EEF2: variants seen among roughly 807,000 people sequenced by gnomAD.
The protein encoded by EEF2 is elongation factor 2.
In EEF2, 21 loss-of-function variants were observed where a neutral mutation model predicts 85.3. The ratio of observed to expected loss-of-function variants is 0.25; its 90% CI spans 0.17 to 0.35. The LOEUF (loss-of-function observed/expected upper bound fraction) is 0.35, where lower values mean the gene tolerates loss of function less well. EEF2 is among the 10% of genes least tolerant of loss of function. The pLI, the probability that EEF2 is intolerant of heterozygous loss-of-function variation, is 1.00. For missense variants in EEF2, 825 were observed against 1,225.3 expected (o/e 0.67, Z 4.88); for synonymous variants, 723 against 508.8 (o/e 1.42, Z -5.67).
In EEF2 at chr19:3,977,646, C is replaced by T; in HGVS notation, c.2068-36G>A. On this transcript the variant is annotated intron_variant, in intron 12 of 14. Coordinates refer to ENST00000309311, the MANE Select transcript of EEF2 (RefSeq NM_001961.4). This position sits in a 1 kb window ranked among gnomAD's most constrained non-coding sequence, Gnocchi z 5.4. ...GGGAGAGCCACCGTCAAGGGCCGGA[C>T]ACACCTCGGCTGCTTGCCCTCCACC... 6.7e-7 allele frequency: 1 copy of T among 1,483,970 alleles called. No individual in the cohort carries two copies. The highest frequency in any genetic ancestry group is 8.9e-7 in the Non-Finnish European group (1 of 1,122,816). 91.9% of individuals were successfully genotyped at this position (1,483,970 alleles called of 1,614,324 possible).
chr19:3,983,951 G>C (rs1165373188), intron 2 of EEF2, 185 bp downstream of exon 2: 1 of 653,484 alleles, frequency 1.5e-6, no homozygotes, highest in African/African-American at 1.8e-5. Flanking sequence ...CCAGCTCGCA[G>C]TACCCCGAAT....
At chr19:3,984,461 G>C (rs2039794412) in intron 1 of EEF2, 111 bp from the exon 2 acceptor site, 1 of 1,212,068 alleles carries the variant, frequency 8.3e-7, no homozygotes, top group Non-Finnish European at 1.2e-6. Flanking sequence ...GGGGGTTGGT[G>C]CTGGGGTGCC....
chr19:3,979,941 G>C lies in EEF2; in HGVS notation c.1472C>G (p.Ala491Gly). The C allele has an allele frequency of 6.2e-7, 1 of 1,613,918 alleles. No individual in the cohort carries two copies. ...GAACTTCATCACCCGCATGTTGTGC[G>C]CGTGCTCGAAGGTGGTGATGGTGCC... Reference protein sequence around the residue: ...KTGTITTFEHAHNMRVMKFSV... With the variant: ...KTGTITTFEHGHNMRVMKFSV... Residue 491 changes from alanine to glycine, a missense_variant, in exon 10 of 15, where the codon GCG (alanine) becomes GGG (glycine). Ala to Gly is a moderately conservative substitution (Grantham distance 60). Coordinates refer to ENST00000309311, the MANE Select transcript of EEF2 (RefSeq NM_001961.4).
At chr19:3,985,292 G>C in intron 1 of EEF2, 86 bp downstream of exon 1, 1 of 1,313,726 alleles carries the variant, frequency 7.6e-7, no homozygotes, top group Non-Finnish European at 9.8e-7. Flanking sequence ...CTGGCACGGG[G>C]GGCCCCAGCG....
rs775750783 is a variant in EEF2 at position 3,980,603 on chromosome 19, C to A, written c.1257G>T (p.Gly419=). ...TGACCTTCAGGCCAGTGGAGACCAGCCCCGAGAAGACTCGTCCAAAGGCGT... is the reference window on the plus strand; with the variant it reads ...TGACCTTCAGGCCAGTGGAGACCAGACCCGAGAAGACTCGTCCAAAGGCGT... The part of the protein sequence containing the change: ...RFYAFGRVFS[G]LVSTGLKVRI... Residue 419 remains glycine, a synonymous_variant, in exon 9 of 15, where the codon GGG becomes GGT. Transcript: ENST00000309311. The A allele has an allele frequency of 3.1e-6, 5 of 1,614,128 alleles. No homozygotes were observed. In the Admixed American group the frequency reaches 6.7e-5, roughly 22 times the overall value.
In EEF2 at chr19:3,977,147, C is replaced by G; in HGVS notation, c.2383+68G>C. The G allele has an allele frequency of 6.3e-6, 10 of 1,579,380 alleles. No homozygotes were observed. The highest frequency in any genetic ancestry group is 8.6e-6 in the Non-Finnish European group (10 of 1,161,776). The stretch of plus-strand genomic sequence containing the variant: ...ACGCCTCCTTTAACACCTTGCTAAG[C>G]TTAACTGGGCTTCTGTCCCCCAAAC... On this transcript the variant is annotated intron_variant, in intron 14 of 14. Transcript: ENST00000309311. This position sits in a 1 kb window ranked among gnomAD's most constrained non-coding sequence, Gnocchi z 5.4.
intron 11 of EEF2, 34 bp from the exon 12 acceptor site, chr19:3,978,206 G>A (rs926371830): frequency 2.1e-6 from 3 of 1,429,368 alleles, no homozygotes; most frequent in African/African-American, 2.9e-5. Flanking sequence ...CTCTTGCCTG[G>A]AGAAAGAGGT....
At chr19:3,979,663 C>T in intron 10 of EEF2, 145 bp downstream of exon 10, 1 of 1,302,192 alleles carries the variant, frequency 7.7e-7, no homozygotes, top group Non-Finnish European at 1.1e-6. Context: ...GCAGGAGTCT[C>T]CATTTACAGC....
rs935375368 is a variant in EEF2 at position 3,983,235 on chromosome 19, C to T, written c.275G>A (p.Ser92Asn). 1 of 1,613,986 alleles carries T rather than the reference C, an allele frequency of 6.2e-7. No homozygotes were observed. Among genetic ancestry groups the T allele is most frequent in the Non-Finnish European group, 8.5e-7 (1 of 1,179,984 alleles). The stretch of plus-strand genomic sequence containing the variant: ...GATGAGGAAGCCGGCACCGTCCTTG[C>T]TCTGCTTGATGAAGTTCAAGTCATT... ...SENDLNFIKQ[S>N]KDGAGFLINL... The change falls in exon 3 of 15, where the codon AGC (serine) becomes AAC (asparagine). Residue 92 changes from serine (S) to asparagine (N), a missense_variant. Coordinates refer to ENST00000309311, the MANE Select transcript of EEF2 (RefSeq NM_001961.4).
rs746796214 is a variant in EEF2 at position 3,976,434 on chromosome 19, A to G, written c.*120T>C. 251 of 1,169,860 alleles carry G rather than the reference A, an allele frequency of 2.1e-4. No homozygotes were observed. The highest frequency in any genetic ancestry group is 2.8e-4 in the Non-Finnish European group (236 of 842,842). 72.5% of individuals were successfully genotyped at this position (1,169,860 alleles called of 1,614,324 possible). A position where few individuals can be genotyped will look rare whatever the true frequency, so the allele number is the denominator to read the frequency against. ...GTGATGGCACGCAGCGGGCCCCAGA[A>G]ACCTCTCAGGGGAGCGTCGCTGTGT... is the stretch of plus-strand genomic sequence containing the variant. On this transcript the variant is annotated 3_prime_UTR_variant, in exon 15 of 15. Coordinates refer to ENST00000309311, the MANE Select transcript of EEF2 (RefSeq NM_001961.4).
chr19:3,983,304 G>C lies in EEF2; in HGVS notation c.219-13C>G. ...GAGGGAGATGGCACTGATGGAGGGA[G>C]GGACTCGTCAGGGGGACAGGAGCCA... On this transcript the variant is annotated splice_polypyrimidine_tract_variant and intron_variant, in intron 2 of 14. Coordinates refer to ENST00000309311, the MANE Select transcript of EEF2 (RefSeq NM_001961.4). 2 of 1,610,474 alleles carry C rather than the reference G, an allele frequency of 1.2e-6. No homozygotes were observed. Among genetic ancestry groups the C allele is most frequent in the Non-Finnish European group, 1.7e-6 (2 of 1,178,056 alleles).
chr19:3,980,427 C>T, intron 9 of EEF2, 87 bp downstream of exon 9: 1 of 1,465,342 alleles, frequency 6.8e-7, no homozygotes, highest in South Asian at 1.3e-5. Context: ...CTCCTTACTT[C>T]TAGCTCCCGA....
At chr19:3,982,499 G>C (rs770190114) in intron 4 of EEF2, 75 bp from the exon 5 acceptor site, 28 of 1,572,866 alleles carry the variant, frequency 1.8e-5, no homozygotes, top group Non-Finnish European at 2.4e-5. Flanking sequence ...GGGCGCCTTG[G>C]GCATGGGCCT....
intron 2 of EEF2, among the ~76,000 whole-genome samples, 194 bp from the exon 3 acceptor site, chr19:3,983,485 C>T (rs886858723): frequency 1.3e-5 from 2 of 152,088 alleles, no homozygotes; most frequent in Non-Finnish European, 2.9e-5. Flanking sequence ...CTCCTGGTAC[C>T]AGCCCCATAG....
At chr19:3,979,478 G>A (rs368766232) in intron 10 of EEF2, 42 bp from the exon 11 acceptor site, 68 of 1,539,558 alleles carry the variant, frequency 4.4e-5, no homozygotes, top group East Asian at 1.4e-4. Context: ...TAGGCGGCTC[G>A]GAACAGGCGG....
chr19:3,982,462 C>T lies in EEF2; in HGVS notation c.613-38G>A, dbSNP rs1248622323. ...GAAACGAGAAGCAGCCGTGAGGGCC[C>T]CTGCGCAGAGCCTGAAGCTACGGGC... On this transcript the variant is annotated intron_variant, in intron 4 of 14. Transcript: ENST00000309311. The T allele has an allele frequency of 3.7e-6, 6 of 1,613,204 alleles. No individual in the cohort carries two copies. The Admixed American group carries it at 6.7e-5, about 18-fold the overall frequency.
At position 3,976,578 on chromosome 19, in the gene EEF2, C is replaced by A; in HGVS notation, c.2553G>T (p.Leu851=). 6.2e-7 allele frequency: 1 copy of A among 1,609,334 alleles called. No individual in the cohort carries two copies. The highest frequency in any genetic ancestry group is 8.5e-7 in the Non-Finnish European group (1 of 1,178,116). ...RKGLKEGIPA[L]DNFLDKL ...CCTACAATTTGTCCAGGAAGTTGTCCAGGGCAGGGATGCCTTCTTTCAGGC... is the reference window on the plus strand; with the variant it reads ...CCTACAATTTGTCCAGGAAGTTGTCAAGGGCAGGGATGCCTTCTTTCAGGC... Residue 851 remains leucine, a synonymous_variant, in exon 15 of 15, where the codon CTG becomes CTT. Coordinates refer to ENST00000309311, the MANE Select transcript of EEF2 (RefSeq NM_001961.4).
chr19:3,982,652 G>A (rs574695583), intron 4 of EEF2, 155 bp downstream of exon 4: 18 of 1,115,442 alleles, frequency 1.6e-5, no homozygotes, highest in African/African-American at 9.2e-5. Flanking sequence ...CAAGGGCTGG[G>A]TCAAGTCGGA....
intron 4 of EEF2, 101 bp downstream of exon 4, chr19:3,982,706 C>CA (rs1369629497): frequency 1.5e-6 from 2 of 1,360,534 alleles, no homozygotes; most frequent in African/African-American, 2.9e-5. Context: ...ACATTCCTGG[C>CA]AAAAACACAC....
Sources: allele counts gnomAD v4.1 joint callset (sites outside exome capture counted in the v4.1 genomes callset), GRCh38; gene constraint gnomAD v4.1.1; non-coding constraint Gnocchi (gnomAD v3.1); transcripts MANE v1.5; gene names NCBI Gene and HGNC (gene_info 2026-07-23, HGNC 2026-07-21).